The following FRMPD4 variants were observed in gnomAD, a reference collection of about 807,000 sequenced individuals.
FRMPD4 encodes FERM and PDZ domain-containing protein 4.
A neutral mutation model predicts 94.1 loss-of-function variants in FRMPD4; 22 were observed. That is an observed-to-expected ratio of 0.23 (90% CI 0.17 to 0.33). FRMPD4 has a LOEUF of 0.33. Among genes scored for constraint, FRMPD4 ranks in the 10% least tolerant of loss-of-function variants. FRMPD4 has a pLI of 1.00. For missense variants in FRMPD4, 1,111 were observed against 1,339.9 expected (o/e 0.83, Z 2.67); for synonymous variants, 631 against 548.6 (o/e 1.15, Z -2.10).
At chrX:12,526,625 A>T (rs1322802989) in intron 2 of FRMPD4, among the ~76,000 whole-genome samples, 1 of 111,603 alleles carries the variant, frequency 9.0e-6, no homozygotes, top group East Asian at 2.8e-4. Flanking sequence ...ACATTCTCTA[A>T]ATCTTCCTCT....
intron 1 of FRMPD4, among the ~76,000 whole-genome samples, chrX:12,207,368 TA>T (rs1286107659): frequency 8.9e-6 from 1 of 111,792 alleles, no homozygotes; most frequent in Non-Finnish European, 1.9e-5. Context: ...AGAACTCTTT[TA>T]ATTTTTTAAA....
chrX:12,359,172 A>G (rs1168501913), intron 1 of FRMPD4, among the ~76,000 whole-genome samples: 1 of 112,106 alleles, frequency 8.9e-6, no homozygotes, highest in Non-Finnish European at 1.9e-5. Flanking sequence ...AGCTATAAAA[A>G]TAGAGATGAA....
At chrX:12,630,966 C>G (rs773398001) in intron 4 of FRMPD4, among the ~76,000 whole-genome samples, 1 of 111,720 alleles carries the variant, frequency 9.0e-6, no homozygotes, top group South Asian at 3.8e-4. Context: ...AGAAACAGCC[C>G]AGACCTTCTT....
At chrX:12,660,049 A>G (rs1352760690) in intron 4 of FRMPD4, among the ~76,000 whole-genome samples, 1 of 112,083 alleles carries the variant, frequency 8.9e-6, no homozygotes. Flanking sequence ...CACTGTATCA[A>G]TGATGTAGAT....
chrX:12,300,793 T>C (rs1237587325), intron 1 of FRMPD4, among the ~76,000 whole-genome samples: 1 of 111,689 alleles, frequency 9.0e-6, no homozygotes. Context: ...GGTGGCCCAA[T>C]GTTAGATCCA....
chrX:12,193,776 AAGG>A lies in FRMPD4; in HGVS notation c.41+54766_41+54768del, dbSNP rs1369779832. Among the ~76,000 whole-genome samples the A allele has an allele frequency of 3.4e-3, 68 of 19,752 alleles. 3 individuals carry two copies. In the East Asian group the frequency reaches 0.038, roughly 11 times the overall value. The allele number at this position is 19,752 out of a possible 115,157, so 17.2% of individuals were successfully genotyped here. The stretch of plus-strand genomic sequence containing the variant: ...ACAGAAAGAAAGAAAGAAAGAAAGG[AAGG>A]AAGGAAGGAAGGAAGGAAGGAAGGA... On this transcript the variant is annotated intron_variant, in intron 1 of 16. Coordinates refer to ENST00000675598, the MANE Select transcript of FRMPD4 (RefSeq NM_001368397.1).
In FRMPD4 at chrX:12,718,341, C is replaced by A. The variant is rs1320254368; in HGVS notation, c.3515C>A (p.Ser1172Tyr). 1.7e-6 allele frequency: 2 copies of A among 1,211,585 alleles called. No homozygotes were observed. The highest frequency in any genetic ancestry group is 1.1e-6 in the Non-Finnish European group (1 of 895,136). ...DLDNPEDADS[S>Y]TCDHPSKLPE... ...GATAACCCAGAGGACGCTGACTCGT[C>A]CACCTGCGACCATCCTTCCAAGCTT... The change falls in exon 16 of 17, where the codon TCC becomes TAC. Residue 1172 changes from serine (S) to tyrosine (Y), a missense_variant. Transcript: ENST00000675598.
intron 1 of FRMPD4, among the ~76,000 whole-genome samples, chrX:12,162,754 G>A (rs1013359533): frequency 1.8e-5 from 2 of 111,675 alleles, no homozygotes; most frequent in Admixed American, 1.9e-4. Context: ...CCTAGCAGGT[G>A]GCATGTCCCC....
At chrX:12,539,701 T>A (rs1287489752) in intron 2 of FRMPD4, among the ~76,000 whole-genome samples, 2 of 110,163 alleles carry the variant, frequency 1.8e-5, no homozygotes, top group African/African-American at 6.6e-5. Flanking sequence ...TGGCACGATC[T>A]CAGCTCACCG....
Position 12,722,135 on chromosome X carries a change from G to T in FRMPD4, c.*277G>T, listed in dbSNP as rs1351410058. ...AGTTAAAACTCCAGGTATATGATGT[G>T]AAATTTTAAATTCTACCATGTTAGA... On this transcript the variant is annotated 3_prime_UTR_variant, in exon 17 of 17. Transcript: ENST00000675598. 9.0e-6 allele frequency: 1 copy of T among 111,146 alleles called. No individual in the cohort carries two copies. The highest frequency in any genetic ancestry group is 3.3e-5 in the African/African-American group (1 of 30,462). The allele number at this position is 111,146 out of a possible 1,213,427, so 9.2% of individuals were successfully genotyped here. A position where few individuals can be genotyped will look rare whatever the true frequency, so the allele number is the denominator to read the frequency against.
intron 3 of FRMPD4, among the ~76,000 whole-genome samples, chrX:12,104,345 A>G (rs1197687685): frequency 8.9e-6 from 1 of 112,310 alleles, no homozygotes; most frequent in Non-Finnish European, 1.9e-5. Flanking sequence ...TGGGTCTAGT[A>G]CCTATGGCAC....
At chrX:12,174,280 A>C (rs1421759328) in intron 1 of FRMPD4, among the ~76,000 whole-genome samples, 1 of 111,995 alleles carries the variant, frequency 8.9e-6, no homozygotes, top group African/African-American at 3.3e-5. Context: ...GTCATGAAAT[A>C]TTATTATTTT....
rs1036959383 is a variant in FRMPD4 at position 12,321,064 on chromosome X, T to G, written c.42-177616T>G. On this transcript the variant is annotated intron_variant, in intron 1 of 16. Transcript: ENST00000675598. ...ACATTTTTTAAATTGTAGAAAATAT[T>G]CCATAATCATGGCTAAGCCAGATCT... is the stretch of plus-strand genomic sequence containing the variant. Among the ~76,000 whole-genome samples the G allele has an allele frequency of 1.9e-4, 21 of 112,360 alleles. No homozygotes were observed. The South Asian group carries it at 2.2e-3, about 12-fold the overall frequency.
chrX:12,197,444 C>T (rs1484273980), intron 1 of FRMPD4, among the ~76,000 whole-genome samples: 1 of 111,642 alleles, frequency 9.0e-6, no homozygotes, highest in Non-Finnish European at 1.9e-5. Flanking sequence ...GCTGGGTTTC[C>T]ACTGATTGAT....
chrX:11,825,908 T>C (rs1400166033), intron 1 of FRMPD4, among the ~76,000 whole-genome samples: 1 of 112,465 alleles, frequency 8.9e-6, no homozygotes, highest in Non-Finnish European at 1.9e-5. Context: ...TTTGTTTTAT[T>C]GTCACCTTTA....
chrX:12,171,299 G>A (rs903843281), intron 1 of FRMPD4, among the ~76,000 whole-genome samples: 7 of 112,029 alleles, frequency 6.2e-5, no homozygotes, highest in African/African-American at 2.3e-4. Flanking sequence ...GCCTTCTACT[G>A]TTTGTGCATC....
chrX:12,628,404 C>A (rs1404516294), intron 4 of FRMPD4, among the ~76,000 whole-genome samples: 1 of 111,543 alleles, frequency 9.0e-6, no homozygotes, highest in East Asian at 2.8e-4. Context: ...TGACTACTCA[C>A]CTAGAAAGGA....
chrX:11,857,673 A>G (rs944681062), intron 1 of FRMPD4, among the ~76,000 whole-genome samples: 1 of 113,055 alleles, frequency 8.8e-6, no homozygotes, highest in Admixed American at 9.3e-5. Context: ...TTTCATGACA[A>G]TGCTAAAAGC....
chrX:11,972,959 G>C (rs766314667), intron 3 of FRMPD4, among the ~76,000 whole-genome samples: 1 of 112,246 alleles, frequency 8.9e-6, no homozygotes, highest in South Asian at 3.7e-4. Flanking sequence ...TAATAGACAA[G>C]TAAGATTCTT....
Sources: allele counts gnomAD v4.1 joint callset (sites outside exome capture counted in the v4.1 genomes callset), GRCh38; gene constraint gnomAD v4.1.1; transcripts MANE v1.5; gene names NCBI Gene and HGNC (gene_info 2026-07-23, HGNC 2026-07-21).